Variants in PCDHGA9 observed in about 807,000 individuals in gnomAD.
The protein encoded by PCDHGA9 is protocadherin gamma-A9.
Under a neutral mutation model 62.5 loss-of-function variants are expected in PCDHGA9, and 37 were observed. That is an observed-to-expected ratio of 0.59 (90% CI 0.46 to 0.78). The LOEUF (loss-of-function observed/expected upper bound fraction) is 0.78. Among genes scored for constraint, PCDHGA9 ranks in the 30% least tolerant of loss-of-function variants. PCDHGA9 has a pLI of 0.00. For missense variants in PCDHGA9, 1,138 were observed against 1,166.2 expected (o/e 0.98, Z 0.35); for synonymous variants, 459 against 484.6 (o/e 0.95, Z 0.69).
chr5:141,479,813 T>G (rs543146395), intron 1 of PCDHGA9, among the ~76,000 whole-genome samples: 1 of 152,318 alleles, frequency 6.6e-6, no homozygotes, highest in South Asian at 2.1e-4. Flanking sequence ...TATGCAAGGA[T>G]ACTATCCAAG....
At position 141,409,757 on chromosome 5, in the gene PCDHGA9, G is replaced by A; in HGVS notation, c.2424+4381G>A. The A allele has an allele frequency of 6.8e-6, 11 of 1,612,986 alleles. No individual in the cohort carries two copies. The highest frequency in any genetic ancestry group is 9.3e-6 in the Non-Finnish European group (11 of 1,179,838). ...GAGCGGGGTGGTGTTCGCGCAGCGCGCCTTTGATCACGAGCAGCTGCGCGC... is the reference window on the plus strand; with the variant it reads ...GAGCGGGGTGGTGTTCGCGCAGCGCACCTTTGATCACGAGCAGCTGCGCGC... On this transcript the variant is annotated intron_variant, in intron 1 of 3. Coordinates refer to ENST00000573521, the MANE Select transcript of PCDHGA9 (RefSeq NM_018921.3).
chr5:141,475,984 G>A, intron 1 of PCDHGA9: 2 of 1,069,308 alleles, frequency 1.9e-6, no homozygotes, highest in Non-Finnish European at 2.7e-6. Flanking sequence ...AACAGCCGGC[G>A]AGCAAATCAA....
intron 1 of PCDHGA9, among the ~76,000 whole-genome samples, chr5:141,425,417 G>A (rs1238708306): frequency 2.0e-5 from 3 of 152,162 alleles, no homozygotes; most frequent in East Asian, 3.9e-4. Context: ...ATAACATATA[G>A]TCCCATTAAA....
intron 1 of PCDHGA9, among the ~76,000 whole-genome samples, chr5:141,473,907 C>T (rs552055360): frequency 2.0e-4 from 30 of 152,220 alleles, no homozygotes; most frequent in African/African-American, 7.2e-4. Context: ...ATGAAGAGGT[C>T]TTAAGAAAAC....
rs770235234 is a variant in PCDHGA9 at position 141,422,145 on chromosome 5, G to T, written c.2424+16769G>T. On this transcript the variant is annotated intron_variant, in intron 1 of 3. Coordinates refer to ENST00000573521, the MANE Select transcript of PCDHGA9 (RefSeq NM_018921.3). Reference sequence around the variant, plus strand: ...AAACTGGAGAAGTTCAAGTACGGGGGTCTCTGGATTTTGAAAAATATAGAT... The same window carrying T: ...AAACTGGAGAAGTTCAAGTACGGGGTTCTCTGGATTTTGAAAAATATAGAT... The T allele has an allele frequency of 8.2e-6, 13 of 1,580,608 alleles. No individual in the cohort carries two copies. The African/African-American group carries it at 1.5e-4, about 18-fold the overall frequency.
At chr5:141,413,257 T>A (rs777964429) in intron 1 of PCDHGA9, 1 of 1,613,836 alleles carries the variant, frequency 6.2e-7, no homozygotes, top group African/African-American at 1.3e-5. Flanking sequence ...CGGGATTCCA[T>A]GGGAGGCTGG....
chr5:141,489,459 C>T lies in PCDHGA9; in HGVS notation c.2425-5348C>T. The T allele has an allele frequency of 6.2e-7, 1 of 1,614,086 alleles. No homozygotes were observed. The highest frequency in any genetic ancestry group is 8.5e-7 in the Non-Finnish European group (1 of 1,180,012). On this transcript the variant is annotated intron_variant, in intron 1 of 3. Coordinates refer to ENST00000573521, the MANE Select transcript of PCDHGA9 (RefSeq NM_018921.3). The surrounding 1 kb of genome is among the most constrained non-coding windows in gnomAD (Gnocchi z 4.5). The stretch of plus-strand genomic sequence containing the variant: ...AATTGGGCTCTGAGGAGAATGGGCG[C>T]TATTTTTCCCTGAGCTTGATGAGTG...
rs1167955962 is a variant in PCDHGA9, at chr5:141,477,078, A to G, written c.2425-17729A>G. ...GAGGACACCAAACTCCATGAGATTT[A>G]CATCCAGGCCAAAGACAAGGGCGCC... On this transcript the variant is annotated intron_variant, in intron 1 of 3. Transcript: ENST00000573521. This position sits in a 1 kb window ranked among gnomAD's most constrained non-coding sequence, Gnocchi z 4.9. The G allele has an allele frequency of 6.8e-6, 11 of 1,614,262 alleles. No individual in the cohort carries two copies. In the South Asian group the frequency reaches 1.2e-4, roughly 18 times the overall value.
At chr5:141,417,648 T>A in intron 1 of PCDHGA9, 5 of 818,672 alleles carry the variant, frequency 6.1e-6, no homozygotes, top group Non-Finnish European at 9.1e-6. Flanking sequence ...TCCCTCAGCC[T>A]CTAGCCTGGG....
chr5:141,420,067 A>G (rs2096463342), intron 1 of PCDHGA9: 2 of 1,614,034 alleles, frequency 1.2e-6, no homozygotes, highest in East Asian at 2.2e-5. Flanking sequence ...CCAAGTCCGG[A>G]CCTGTGGGTC....
At chr5:141,414,557 A>T (rs749209012) in intron 1 of PCDHGA9, 25 of 1,613,906 alleles carry the variant, frequency 1.5e-5, no homozygotes, top group Non-Finnish European at 2.0e-5. Flanking sequence ...CAAGTCTCCT[A>T]CTTTACCTAT....
chr5:141,485,426 C>T lies in PCDHGA9; in HGVS notation c.2425-9381C>T. 6.2e-7 allele frequency: 1 copy of T among 1,614,158 alleles called. No individual in the cohort carries two copies. Among genetic ancestry groups the T allele is most frequent in the South Asian group, 1.1e-5 (1 of 91,078 alleles). ...TGTGGATTTGGACAGCGGAGCCCTGCTCATCAAGAACCCAATCGACCGAGA... is the reference window on the plus strand; with the variant it reads ...TGTGGATTTGGACAGCGGAGCCCTGTTCATCAAGAACCCAATCGACCGAGA... On this transcript the variant is annotated intron_variant, in intron 1 of 3. Transcript: ENST00000573521. The surrounding 1 kb of genome is among the most constrained non-coding windows in gnomAD (Gnocchi z 5.7).
chr5:141,418,429 A>T (rs765952024), intron 1 of PCDHGA9: 2 of 1,613,854 alleles, frequency 1.2e-6, no homozygotes, highest in African/African-American at 2.7e-5. Context: ...ATGGTGGCAA[A>T]TATCCAGAAT....
chr5:141,496,511 C>T (rs1161285563), intron 2 of PCDHGA9, among the ~76,000 whole-genome samples: 1 of 152,182 alleles, frequency 6.6e-6, no homozygotes, highest in Non-Finnish European at 1.5e-5. Flanking sequence ...CACAAGGACC[C>T]AGGAGCCCTT....
chr5:141,420,382 C>A, intron 1 of PCDHGA9: 1 of 1,300,530 alleles, frequency 7.7e-7, no homozygotes. Flanking sequence ...ATAGAGTTCG[C>A]AAAATATAGG....
At chr5:141,422,886 G>A in intron 1 of PCDHGA9, 1 of 1,614,260 alleles carries the variant, frequency 6.2e-7, no homozygotes, top group Non-Finnish European at 8.5e-7. Flanking sequence ...GCCTGTTCGT[G>A]CTGGACCAGA....
At chr5:141,496,639 C>T (rs752903356) in intron 2 of PCDHGA9, among the ~76,000 whole-genome samples, 1 of 152,222 alleles carries the variant, frequency 6.6e-6, no homozygotes, top group Non-Finnish European at 1.5e-5. Context: ...TTGGGCTGCC[C>T]TTGCCCTTCC....
intron 1 of PCDHGA9, chr5:141,422,819 T>C (rs369004166): frequency 2.5e-6 from 4 of 1,614,068 alleles, no homozygotes; most frequent in Non-Finnish European, 2.5e-6. Flanking sequence ...GACTTAGAAC[T>C]GAGAGTGATA....
chr5:141,473,262 G>T (rs905961411), intron 1 of PCDHGA9, among the ~76,000 whole-genome samples: 2 of 152,188 alleles, frequency 1.3e-5, no homozygotes, highest in Admixed American at 6.5e-5. Flanking sequence ...AGTCCTTAGT[G>T]TATGCTATGA....
Sources: allele counts gnomAD v4.1 joint callset (sites outside exome capture counted in the v4.1 genomes callset), GRCh38; gene constraint gnomAD v4.1.1; non-coding constraint Gnocchi (gnomAD v3.1); transcripts MANE v1.5; gene names NCBI Gene and HGNC (gene_info 2026-07-23, HGNC 2026-07-21).